Variants in PDE10A observed in about 807,000 individuals in gnomAD.
PDE10A encodes cAMP and cAMP-inhibited cGMP 3',5'-cyclic phosphodiesterase 10A.
Under a neutral mutation model 97.7 loss-of-function variants are expected in PDE10A, and 39 were observed. The observed-to-expected ratio is 0.40, with a 90% CI of 0.31 to 0.52. The LOEUF (loss-of-function observed/expected upper bound fraction) is 0.52, where lower values mean the gene tolerates loss of function less well. Among genes scored for constraint, PDE10A ranks in the 20% least tolerant of loss-of-function variants. PDE10A has a pLI of 0.56. For synonymous variants in PDE10A, 371 were observed against 376.8 expected, an observed-to-expected ratio of 0.98 and a Z score of 0.18; for missense variants, 731 against 1,047.8, an observed-to-expected ratio of 0.70 and a Z score of 4.17.
At chr6:165,777,315 G>A (rs1430677472) in intron 1 of PDE10A, among the ~76,000 whole-genome samples, 1 of 152,218 alleles carries the variant, frequency 6.6e-6, no homozygotes, top group Non-Finnish European at 1.5e-5. Flanking sequence ...AAGATCACGG[G>A]AGCATCGGGG....
intron 16 of PDE10A, among the ~76,000 whole-genome samples, chr6:165,390,100 G>GT (rs1179043482): frequency 6.6e-6 from 1 of 152,040 alleles, no homozygotes; most frequent in African/African-American, 2.4e-5. Context: ...CCTGAAAAGG[G>GT]GGAACAGACT....
chr6:165,618,650 G>T (rs553652955), intron 1 of PDE10A, among the ~76,000 whole-genome samples: 1 of 152,294 alleles, frequency 6.6e-6, no homozygotes, highest in African/African-American at 2.4e-5. Context: ...CAACAAGGGG[G>T]TAGTTGGTAC....
intron 1 of PDE10A, among the ~76,000 whole-genome samples, chr6:165,805,157 C>T (rs989683624): frequency 6.6e-6 from 1 of 150,660 alleles, no homozygotes; most frequent in Non-Finnish European, 1.5e-5. Context: ...CGCGGAGGGG[C>T]GGCGGGGCGT....
chr6:165,466,555 C>T (rs568662281), intron 3 of PDE10A, among the ~76,000 whole-genome samples: 10 of 152,260 alleles, frequency 6.6e-5, no homozygotes, highest in South Asian at 4.1e-4. Flanking sequence ...ATTCCATCAG[C>T]GCCACTTTTC....
chr6:165,901,904 C>T (rs576762488), intron 1 of PDE10A, among the ~76,000 whole-genome samples: 1 of 152,234 alleles, frequency 6.6e-6, no homozygotes, highest in South Asian at 2.1e-4. Flanking sequence ...ATCCAACAGA[C>T]ATTAGCTGAT....
chr6:165,582,106 G>C (rs533476645), intron 1 of PDE10A, among the ~76,000 whole-genome samples: 1 of 152,322 alleles, frequency 6.6e-6, no homozygotes, highest in African/African-American at 2.4e-5. Flanking sequence ...AAGATAAATA[G>C]CATTAGTTAT....
At chr6:165,945,416 G>A (rs1783733279) in intron 1 of PDE10A, among the ~76,000 whole-genome samples, 1 of 152,164 alleles carries the variant, frequency 6.6e-6, no homozygotes, top group Admixed American at 6.5e-5. Context: ...ATAAATTTTG[G>A]AATAATTTGT....
At chr6:165,971,376 T>C (rs541505498) in intron 1 of PDE10A, among the ~76,000 whole-genome samples, 1 of 152,240 alleles carries the variant, frequency 6.6e-6, no homozygotes, top group South Asian at 2.1e-4. Flanking sequence ...TCCAGAAACC[T>C]CTGCAACACA....
intron 1 of PDE10A, among the ~76,000 whole-genome samples, chr6:165,955,069 C>T (rs768583364): frequency 3.3e-5 from 5 of 152,102 alleles, no homozygotes; most frequent in African/African-American, 4.8e-5. Context: ...GAATGGTCGC[C>T]GTTTCCGTGA....
At chr6:165,715,889 T>G (rs1792014577) in intron 1 of PDE10A, among the ~76,000 whole-genome samples, 1 of 152,212 alleles carries the variant, frequency 6.6e-6, no homozygotes, top group African/African-American at 2.4e-5. Flanking sequence ...CTCCTCAGCT[T>G]TATTCTGTCC....
At chr6:165,667,511 AT>A (rs1473790549), upstream of PDE10A, among the ~76,000 whole-genome samples, 1 of 152,148 alleles carries the variant, frequency 6.6e-6, no homozygotes, top group African/African-American at 2.4e-5. Flanking sequence ...AGAATTCGTT[AT>A]AATTTTTAAA....
At chr6:165,363,606 G>A (rs1462876272) in intron 18 of PDE10A, among the ~76,000 whole-genome samples, 1 of 151,974 alleles carries the variant, frequency 6.6e-6, no homozygotes, top group Non-Finnish European at 1.5e-5. Context: ...ATTTGAAGAC[G>A]ACATGACCTT....
chr6:165,571,358 T>C (rs1289196087), intron 1 of PDE10A, among the ~76,000 whole-genome samples: 1 of 152,192 alleles, frequency 6.6e-6, no homozygotes, highest in African/African-American at 2.4e-5. Context: ...TTGGGAAACC[T>C]AGGAATTCAA....
chr6:165,411,251 G>T (rs532944242), intron 13 of PDE10A, among the ~76,000 whole-genome samples: 1 of 152,084 alleles, frequency 6.6e-6, no homozygotes, highest in Non-Finnish European at 1.5e-5. Context: ...TGATGGGTTA[G>T]ATTGTGGCCC....
intron 1 of PDE10A, among the ~76,000 whole-genome samples, chr6:165,850,304 T>C (rs1392361127): frequency 1.3e-5 from 2 of 152,166 alleles, no homozygotes; most frequent in African/African-American, 4.8e-5. Context: ...GCAAATAACG[T>C]CTTGGCATTT....
At chr6:165,693,350 G>A (rs1791354723) in intron 1 of PDE10A, among the ~76,000 whole-genome samples, 1 of 151,934 alleles carries the variant, frequency 6.6e-6, no homozygotes, top group Non-Finnish European at 1.5e-5. Context: ...GGCCAACATG[G>A]TGAAACTCTG....
At chr6:165,519,894 CCTAT>C (rs1782032316) in intron 2 of PDE10A, among the ~76,000 whole-genome samples, 2 of 152,126 alleles carry the variant, frequency 1.3e-5, no homozygotes, top group Non-Finnish European at 2.9e-5. Flanking sequence ...ATGCCTAAGT[CCTAT>C]CTGACAGTTA....
intron 7 of PDE10A, among the ~76,000 whole-genome samples, chr6:165,432,046 T>C (rs1789612916): frequency 6.6e-6 from 1 of 152,230 alleles, no homozygotes; most frequent in Non-Finnish European, 1.5e-5. Flanking sequence ...TATTATTCAC[T>C]CATTCAACAA....
intron 1 of PDE10A, among the ~76,000 whole-genome samples, chr6:165,964,618 C>T (rs1333456375): frequency 1.3e-5 from 2 of 152,152 alleles, no homozygotes; most frequent in African/African-American, 2.4e-5. Context: ...TATGTGCCAG[C>T]GAGCGTCCTA....
Sources: gnomAD v4.1 joint callset for allele counts (sites outside exome capture counted in the v4.1 genomes callset) on GRCh38, gnomAD v4.1.1 for gene constraint, MANE v1.5 for transcripts, NCBI Gene and HGNC (gene_info 2026-07-23, HGNC 2026-07-21) for gene names.